The following TMEM182 variants were observed in gnomAD, a reference collection of about 807,000 sequenced individuals.
TMEM182 encodes the protein transmembrane protein 182.
Under a neutral mutation model 26.8 loss-of-function variants are expected in TMEM182, and 20 were observed. The observed-to-expected ratio is 0.75, with a 90% CI of 0.53 to 1.09. The LOEUF (loss-of-function observed/expected upper bound fraction) is 1.09, where lower values mean the gene tolerates loss of function less well. TMEM182 is among the 50% of genes least tolerant of loss of function. TMEM182 has a pLI of 0.00. For synonymous variants in TMEM182, 109 were observed against 102.2 expected (o/e 1.07, Z -0.40); for missense variants, 277 against 275.5 (o/e 1.01, Z -0.04).
chr2:102,773,253 G>T (rs973645266), intron 3 of TMEM182, among the ~76,000 whole-genome samples: 1 of 151,974 alleles, frequency 6.6e-6, no homozygotes, highest in African/African-American at 2.4e-5. Context: ...ATTTGGGTGA[G>T]GGGAATCAGA....
intron 3 of TMEM182, among the ~76,000 whole-genome samples, chr2:102,765,189 T>C (rs1049152400): frequency 6.6e-5 from 10 of 152,082 alleles, no homozygotes; most frequent in Non-Finnish European, 1.5e-5. Flanking sequence ...CACATACACA[T>C]ACACACATAG....
At chr2:102,812,923 G>A (rs1682607015) in intron 4 of TMEM182, among the ~76,000 whole-genome samples, 2 of 152,186 alleles carry the variant, frequency 1.3e-5, no homozygotes, top group Non-Finnish European at 2.9e-5. Flanking sequence ...GAAATGCACA[G>A]AGTTGCTAGA....
chr2:102,805,348 G>T (rs916414480), intron 4 of TMEM182, among the ~76,000 whole-genome samples: 5 of 152,168 alleles, frequency 3.3e-5, no homozygotes, highest in African/African-American at 1.2e-4. Context: ...GTGAGAATGT[G>T]AAGAGAGGAA....
At position 102,807,346 on chromosome 2, in the gene TMEM182, A is replaced by G. The variant is rs568174111; in HGVS notation, c.470-7402A>G. 7.2e-5 allele frequency among the ~76,000 whole-genome samples: 11 copies of G among 152,330 alleles called. No individual in the cohort carries two copies. The East Asian group carries it at 2.1e-3, about 29-fold the overall frequency. On this transcript the variant is annotated intron_variant, in intron 4 of 4. Coordinates refer to ENST00000412401, the MANE Select transcript of TMEM182 (RefSeq NM_144632.5). ...AATTAAGGCTGTGTCAGAAAATTGG[A>G]GAAAAAATGGAAAACAAGTCTGAGA...
At chr2:102,777,179 T>TC (rs546765192) in intron 3 of TMEM182, among the ~76,000 whole-genome samples, 299 of 152,230 alleles carry the variant, frequency 2.0e-3, no homozygotes, top group African/African-American at 6.9e-3. Context: ...CTGTTTTTTT[T>TC]CTTGGGTGAT....
chr2:102,795,631 G>A (rs1681837579), intron 3 of TMEM182, among the ~76,000 whole-genome samples: 1 of 152,178 alleles, frequency 6.6e-6, no homozygotes, highest in Admixed American at 6.5e-5. Flanking sequence ...GGTTCTTAAA[G>A]ACTTTGCTAT....
intron 1 of TMEM182, among the ~76,000 whole-genome samples, chr2:102,752,539 T>G (rs1679905140): frequency 6.6e-6 from 1 of 152,222 alleles, no homozygotes; most frequent in African/African-American, 2.4e-5. Flanking sequence ...CCTGGACCAC[T>G]TCTGACTATT....
chr2:102,804,167 C>T (rs1316019077), intron 4 of TMEM182, among the ~76,000 whole-genome samples: 1 of 149,894 alleles, frequency 6.7e-6, no homozygotes, highest in East Asian at 2.0e-4. Context: ...TTTTTTAAAA[C>T]AATTTTTCCA....
Position 102,797,434 on chromosome 2 carries a change from T to G in TMEM182, c.332-429T>G, listed in dbSNP as rs555002937. Among the ~76,000 whole-genome samples the G allele has an allele frequency of 3.0e-4, 46 of 152,322 alleles. No homozygotes were observed. The East Asian group carries it at 8.9e-3, about 29-fold the overall frequency. ...TACAAATATATCTTAGAAGAAGATGTGAGGTAGTGTTTGTAAATAATGTGA... is the reference window on the plus strand; with the variant it reads ...TACAAATATATCTTAGAAGAAGATGGGAGGTAGTGTTTGTAAATAATGTGA... On this transcript the variant is annotated intron_variant, in intron 3 of 4. Transcript: ENST00000412401.
chr2:102,813,171 A>G (rs1244911805), intron 4 of TMEM182, among the ~76,000 whole-genome samples: 1 of 152,196 alleles, frequency 6.6e-6, no homozygotes, highest in Non-Finnish European at 1.5e-5. Flanking sequence ...CATGATTACA[A>G]GGAAGTTTAA....
At position 102,767,312 on chromosome 2, in the gene TMEM182, G is replaced by T. The variant is rs549857732; in HGVS notation, c.331+2885G>T. Among the ~76,000 whole-genome samples, 303 of 152,218 alleles carry T rather than the reference G, an allele frequency of 2.0e-3. 3 individuals are homozygous for T. The highest frequency in any genetic ancestry group is 6.8e-3 in the African/African-American group (283 of 41,540). ...TCTAGTTATTTGAATGACTGGCCAG[G>T]CCTGGTGAGGGTGGTCTAATTCACA... On this transcript the variant is annotated intron_variant, in intron 3 of 4. Transcript: ENST00000412401.
At chr2:102,795,113 T>C (rs1394989979) in intron 3 of TMEM182, among the ~76,000 whole-genome samples, 1 of 152,218 alleles carries the variant, frequency 6.6e-6, no homozygotes, top group Non-Finnish European at 1.5e-5. Context: ...ATTTCAGATA[T>C]TGTGTTTTCT....
chr2:102,841,935 A>G (rs1683359481), intron 3 of TMEM182, among the ~76,000 whole-genome samples: 1 of 152,196 alleles, frequency 6.6e-6, no homozygotes, highest in African/African-American at 2.4e-5. Context: ...TGACAGGGTA[A>G]TTGCGAAGGT....
At chr2:102,779,720 GGT>G (rs1681080668) in intron 3 of TMEM182, among the ~76,000 whole-genome samples, 1 of 151,592 alleles carries the variant, frequency 6.6e-6, no homozygotes, top group Non-Finnish European at 1.5e-5. Flanking sequence ...CTCAAGGCTG[GGT>G]GTGGTGGCTC....
Position 102,817,260 on chromosome 2 carries a change from A to G in TMEM182, c.*2292A>G, listed in dbSNP as rs897879340. 2.0e-6 allele frequency: 2 copies of G among 985,162 alleles called. No individual in the cohort carries two copies. Among genetic ancestry groups the G allele is most frequent in the South Asian group, 4.7e-5 (1 of 21,290 alleles). 61.0% of individuals were successfully genotyped at this position (985,162 alleles called of 1,614,324 possible). ...GTTTATTTCTCTATTGGTTGTATTT[A>G]TTAATTTTTAGAAGCCTTTAAACTG... On this transcript the variant is annotated 3_prime_UTR_variant, in exon 5 of 5. Transcript: ENST00000412401.
At chr2:102,824,140 G>A (rs1044295577) in intron 3 of TMEM182, among the ~76,000 whole-genome samples, 12 of 152,200 alleles carry the variant, frequency 7.9e-5, no homozygotes, top group Admixed American at 1.3e-4. Context: ...AAGAGGTGAC[G>A]TGGGAGAAGA....
chr2:102,749,916 A>G (rs866876740), intron 1 of TMEM182, among the ~76,000 whole-genome samples: 7 of 152,270 alleles, frequency 4.6e-5, no homozygotes, highest in Middle Eastern at 6.8e-3. Context: ...AATGAAAAAC[A>G]TACTTCAAAA....
intron 4 of TMEM182, among the ~76,000 whole-genome samples, chr2:102,799,596 A>T (rs1432748962): frequency 6.6e-6 from 1 of 152,216 alleles, no homozygotes; most frequent in Non-Finnish European, 1.5e-5. Context: ...AAAGGGCAGG[A>T]TCTAATGGTC....
downstream of TMEM182, chr2:102,817,792 G>C: frequency 3.6e-6 from 3 of 835,156 alleles, no homozygotes; most frequent in Non-Finnish European, 4.3e-6. Context: ...ATATGTTTGG[G>C]TAGAAAGAGA....
Sources: gnomAD v4.1 joint callset for allele counts (sites outside exome capture counted in the v4.1 genomes callset) on GRCh38, gnomAD v4.1.1 for gene constraint, MANE v1.5 for transcripts, NCBI Gene and HGNC (gene_info 2026-07-23, HGNC 2026-07-21) for gene names.